The following SRBD1 variants were observed in gnomAD, a reference collection of about 807,000 sequenced individuals.
The protein encoded by SRBD1 is S1 RNA-binding domain-containing protein 1.
Under a neutral mutation model 115.3 loss-of-function variants are expected in SRBD1, and 88 were observed. The observed-to-expected ratio is 0.76, with a 90% CI of 0.64 to 0.91. SRBD1 has a LOEUF of 0.91. SRBD1 is among the 40% of genes least tolerant of loss of function. The pLI, the probability that SRBD1 is intolerant of heterozygous loss-of-function variation, is 0.00. For missense variants in SRBD1, 1,385 were observed against 1,177.4 expected (o/e 1.18, Z -2.58); for synonymous variants, 509 against 407.7 (o/e 1.25, Z -2.99).
chr2:45,401,612 T>A (rs1196052827), intron 19 of SRBD1, among the ~76,000 whole-genome samples: 2 of 152,338 alleles, frequency 1.3e-5, no homozygotes, highest in South Asian at 2.1e-4. Context: ...GTTGGATTTC[T>A]TTTCAGGCAA....
chr2:45,405,752 GT>G lies in SRBD1; in HGVS notation c.2513+7361del, dbSNP rs1296619732. On this transcript the variant is annotated intron_variant, in intron 19 of 20. Transcript: ENST00000263736. The stretch of plus-strand genomic sequence containing the variant: ...GATAGTGTCAAATGTGGCAGAATGG[GT>G]AAAAGAGACGACTGGTCATTAGTTG... 1.4e-4 allele frequency among the ~76,000 whole-genome samples: 6 copies of G among 42,538 alleles called. No individual in the cohort carries two copies. In the East Asian group the frequency reaches 2.2e-3, roughly 16 times the overall value. The allele number at this position is 42,538 out of a possible 152,430, so 27.9% of individuals were successfully genotyped here.
intron 14 of SRBD1, among the ~76,000 whole-genome samples, chr2:45,542,093 G>C (rs1311335140): frequency 6.6e-6 from 1 of 152,182 alleles, no homozygotes; most frequent in Non-Finnish European, 1.5e-5. Flanking sequence ...TTTGTGCCAG[G>C]GGACACCTGT....
chr2:45,480,572 T>C (rs1044415210), intron 15 of SRBD1, among the ~76,000 whole-genome samples: 3 of 152,176 alleles, frequency 2.0e-5, no homozygotes, highest in Non-Finnish European at 1.5e-5. Flanking sequence ...TGATCAAACT[T>C]GACATAATGA....
intron 9 of SRBD1, among the ~76,000 whole-genome samples, chr2:45,571,479 G>C (rs1314068486): frequency 9.6e-6 from 1 of 104,216 alleles, no homozygotes; most frequent in Non-Finnish European, 1.8e-5. Flanking sequence ...GATTTCCAGA[G>C]TTACCAAGTT....
chr2:45,546,037 T>C (rs529261658), intron 14 of SRBD1: 55 of 480,310 alleles, frequency 1.1e-4, no homozygotes, highest in African/African-American at 1.1e-3. Flanking sequence ...TCAGCCATTA[T>C]AACTACTCTC....
intron 19 of SRBD1, among the ~76,000 whole-genome samples, chr2:45,404,598 C>T (rs1667377485): frequency 6.6e-6 from 1 of 152,166 alleles, no homozygotes; most frequent in African/African-American, 2.4e-5. Flanking sequence ...GAACACTTCT[C>T]ACCATGTCTT....
chr2:45,391,803 C>T (rs1041548305), intron 20 of SRBD1, among the ~76,000 whole-genome samples: 4 of 152,058 alleles, frequency 2.6e-5, no homozygotes, highest in Non-Finnish European at 5.9e-5. Context: ...ATGGAACAAT[C>T]GACACTATGA....
At chr2:45,572,937 AC>A (rs1410913938) in intron 9 of SRBD1, among the ~76,000 whole-genome samples, 17 of 152,160 alleles carry the variant, frequency 1.1e-4, no homozygotes, top group Non-Finnish European at 2.4e-4. Flanking sequence ...GCAGAGTCTA[AC>A]AAAAAGATCA....
At chr2:45,437,496 G>T (rs77207358) in intron 16 of SRBD1, among the ~76,000 whole-genome samples, 5,390 of 152,178 alleles carry the variant, frequency 0.035, 329 homozygotes, top group African/African-American at 0.12. Context: ...AGGTGGTGCT[G>T]GAACAACTGG....
chr2:45,541,199 G>A (rs1221045585), intron 14 of SRBD1, among the ~76,000 whole-genome samples: 1 of 152,250 alleles, frequency 6.6e-6, no homozygotes, highest in Admixed American at 6.5e-5. Context: ...GGCTGGACCA[G>A]ATATATCACA....
At chr2:45,582,887 A>G (rs1673408842) in intron 5 of SRBD1, among the ~76,000 whole-genome samples, 1 of 152,136 alleles carries the variant, frequency 6.6e-6, no homozygotes, top group Non-Finnish European at 1.5e-5. Flanking sequence ...AGCACCCATA[A>G]TTGGTTTCCA....
chr2:45,486,253 T>C (rs577452058), intron 15 of SRBD1, among the ~76,000 whole-genome samples: 3 of 152,272 alleles, frequency 2.0e-5, no homozygotes, highest in African/African-American at 4.8e-5. Context: ...TCAGAAAATA[T>C]GGTCTAAATA....
rs369683180 is a variant in SRBD1 at position 45,389,640 on chromosome 2, T to A, written c.2699-41A>T. 1.1e-5 allele frequency: 18 copies of A among 1,572,598 alleles called. 1 individual carries two copies. The African/African-American group carries it at 2.4e-4, about 21-fold the overall frequency. On this transcript the variant is annotated intron_variant, in intron 20 of 20. Coordinates refer to ENST00000263736, the MANE Select transcript of SRBD1 (RefSeq NM_018079.5). ...AGTAAGTGTAAATAAGGCATTGTAC[T>A]TCCTAGATACAACATAACTTTGTGA...
In SRBD1 at chr2:45,554,646, G is replaced by A. The variant is rs1672415544; in HGVS notation, c.1410-916C>T. Among the ~76,000 whole-genome samples, 3 of 152,050 alleles carry A rather than the reference G, an allele frequency of 2.0e-5. No homozygotes were observed. The South Asian group carries it at 6.2e-4, about 32-fold the overall frequency. On this transcript the variant is annotated intron_variant, in intron 10 of 20. Transcript: ENST00000263736. ...AGAAGAGAAAATCACAAGCTAAAAG[G>A]ACAAATGTAGCCTCACTGAAACGGT...
intron 16 of SRBD1, among the ~76,000 whole-genome samples, chr2:45,426,740 G>C (rs867591521): frequency 1.3e-5 from 2 of 152,168 alleles, no homozygotes; most frequent in Admixed American, 1.3e-4. Context: ...GCAAACTCCA[G>C]AAGACCTGCA....
intron 19 of SRBD1, among the ~76,000 whole-genome samples, chr2:45,405,495 T>A (rs1412077923): frequency 6.6e-6 from 1 of 152,164 alleles, no homozygotes; most frequent in African/African-American, 2.4e-5. Context: ...AAGGTTGGGC[T>A]AGAGCTTAGA....
intron 7 of SRBD1, 26 bp downstream of exon 7, chr2:45,579,849 T>G: frequency 6.7e-7 from 1 of 1,499,422 alleles, no homozygotes; most frequent in Non-Finnish European, 8.9e-7. Context: ...AGAAACAAAG[T>G]TGATCTCTGT....
chr2:45,412,285 C>G (rs1272660092), intron 19 of SRBD1, among the ~76,000 whole-genome samples: 1 of 151,950 alleles, frequency 6.6e-6, no homozygotes, highest in Non-Finnish European at 1.5e-5. Flanking sequence ...CATCATAAAA[C>G]TGTTGGGGGA....
In SRBD1 at chr2:45,605,386, T is replaced by C. The variant is rs542968195; in HGVS notation, c.56A>G (p.Asp19Gly). ...CAACTCAGAGAATGAAGAAAATTCATCTTTCAGTACCACATCCTGGACCTG... is the reference window on the plus strand; with the variant it reads ...CAACTCAGAGAATGAAGAAAATTCACCTTTCAGTACCACATCCTGGACCTG... ...KVQVQDVVLKDEFSSFSELSS... is the reference protein window; with the variant it reads ...KVQVQDVVLKGEFSSFSELSS... The change falls in exon 2 of 21, where the codon GAT becomes GGT. Residue 19 changes from aspartate to glycine, a missense_variant. Transcript: ENST00000263736. The C allele has an allele frequency of 6.2e-7, 1 of 1,613,634 alleles. No individual in the cohort carries two copies. The highest frequency in any genetic ancestry group is 8.5e-7 in the Non-Finnish European group (1 of 1,179,936).
Sources: allele counts gnomAD v4.1 joint callset (sites outside exome capture counted in the v4.1 genomes callset), GRCh38; gene constraint gnomAD v4.1.1; transcripts MANE v1.5; gene names NCBI Gene and HGNC (gene_info 2026-07-23, HGNC 2026-07-21).